Variants in KIF6 observed in about 807,000 individuals in gnomAD.
KIF6 encodes kinesin-like protein KIF6.
KIF6 carries 106 observed loss-of-function variants against 112.7 expected under a neutral mutation model. The ratio of observed to expected loss-of-function variants is 0.94; its 90% confidence interval spans 0.80 to 1.11. The LOEUF (loss-of-function observed/expected upper bound fraction) is 1.11. KIF6 is among the 50% of genes least tolerant of loss of function. The probability of loss-of-function intolerance (pLI) is 0.00; values close to 1 mark genes in which losing one functional copy is unlikely to be tolerated. For missense variants in KIF6, 929 were observed against 964.0 expected, an observed-to-expected ratio of 0.96 and a Z score of 0.48; for synonymous variants, 339 against 339.9, an observed-to-expected ratio of 1.00 and a Z score of 0.03.
chr6:39,348,362 A>G (rs1226290233), intron 19 of KIF6, among the ~76,000 whole-genome samples: 1 of 152,132 alleles, frequency 6.6e-6, no homozygotes, highest in Admixed American at 6.5e-5. Flanking sequence ...ACCGTGGCCA[A>G]TAGGGGCATC....
Position 39,714,740 on chromosome 6 carries a change from G to C in KIF6, c.203C>G (p.Ala68Gly). ...GTTTTCAAAAACGGTCTCTTGGTTT[G>C]CATCCTGATCAAAAATTCTTTGAAA... ...FKFQRIFDQD[A>G]NQETVFENIA... Residue 68 changes from alanine (A) to glycine (G), a missense_variant, in exon 3 of 23, where the codon GCA (alanine) becomes GGA (glycine). By Grantham distance (60) the Ala-to-Gly change is moderately conservative. Around this residue, in one of 2 missense-constraint regions of KIF6, gnomAD observed 688 missense variants for 662.7 expected, o/e 1.04. Coordinates refer to ENST00000287152, the MANE Select transcript of KIF6 (RefSeq NM_145027.6). 1.9e-6 allele frequency: 3 copies of C among 1,613,200 alleles called. No individual in the cohort carries two copies. Among genetic ancestry groups the C allele is most frequent in the Non-Finnish European group, 2.5e-6 (3 of 1,179,286 alleles).
At chr6:39,724,452 CAAAAAAAAAAA>C (rs33912709) in intron 1 of KIF6, among the ~76,000 whole-genome samples, 1,559 of 90,552 alleles carry the variant, frequency 0.017, 32 homozygotes, top group African/African-American at 0.059. Context: ...GACTCCGTCT[CAAAAAAAAAAA>C]AAAAAAAAAA....
intron 10 of KIF6, among the ~76,000 whole-genome samples, chr6:39,561,362 T>C (rs1208134797): frequency 6.6e-6 from 1 of 151,046 alleles, no homozygotes; most frequent in Non-Finnish European, 1.5e-5. Flanking sequence ...AAACCATTTT[T>C]TTTTTTTGAG....
intron 16 of KIF6, among the ~76,000 whole-genome samples, chr6:39,379,913 A>T (rs551066499): frequency 2.7e-4 from 41 of 152,346 alleles, no homozygotes; most frequent in African/African-American, 9.6e-4. Context: ...TTGGGCCTTA[A>T]ATGTAAAGTG....
At chr6:39,664,151 A>AAAGGATTGTC (rs1786317714) in intron 3 of KIF6, among the ~76,000 whole-genome samples, 1 of 152,160 alleles carries the variant, frequency 6.6e-6, no homozygotes, top group African/African-American at 2.4e-5. Context: ...GGAGAGAATC[A>AAAGGATTGTC]AAGGATTGTC....
chr6:39,367,421 A>G (rs955185660), intron 16 of KIF6, among the ~76,000 whole-genome samples: 1 of 152,174 alleles, frequency 6.6e-6, no homozygotes. Flanking sequence ...AGGAGCTCAC[A>G]GTGCCGAGTG....
rs144736774 is a variant in KIF6, at chr6:39,427,367, C to A, written c.1754+3686G>T. On this transcript the variant is annotated intron_variant, in intron 14 of 22. Coordinates refer to ENST00000287152, the MANE Select transcript of KIF6 (RefSeq NM_145027.6). Reference sequence around the variant, plus strand: ...TTCCTTTGATGTCTGTTGTTGAAACCCTGCTTATGCAGTTATTTGTTTTCA... The same window carrying A: ...TTCCTTTGATGTCTGTTGTTGAAACACTGCTTATGCAGTTATTTGTTTTCA... 5.2e-4 allele frequency among the ~76,000 whole-genome samples: 79 copies of A among 152,222 alleles called. No homozygotes were observed. In the South Asian group the frequency reaches 8.3e-3, roughly 16 times the overall value.
chr6:39,548,272 G>T (rs1300270200), intron 10 of KIF6, among the ~76,000 whole-genome samples: 1 of 152,226 alleles, frequency 6.6e-6, no homozygotes, highest in Admixed American at 6.5e-5. Flanking sequence ...CTGCTGATGA[G>T]CTGGACCACT....
Position 39,550,928 on chromosome 6 carries a change from T to A in KIF6, c.1182-5240A>T, listed in dbSNP as rs542947178. Among the ~76,000 whole-genome samples the A allele has an allele frequency of 3.3e-5, 5 of 152,312 alleles. No individual in the cohort carries two copies. In the South Asian group the frequency reaches 8.3e-4, roughly 25 times the overall value. Reference sequence around the variant, plus strand: ...CAAAGATATAAAAGGATGTAAAGGATTATTTTCTATGGCTGAATAATACTC... The same window carrying A: ...CAAAGATATAAAAGGATGTAAAGGAATATTTTCTATGGCTGAATAATACTC... On this transcript the variant is annotated intron_variant, in intron 10 of 22. Coordinates refer to ENST00000287152, the MANE Select transcript of KIF6 (RefSeq NM_145027.6).
intron 3 of KIF6, among the ~76,000 whole-genome samples, chr6:39,692,129 C>G (rs1788248497): frequency 6.6e-6 from 1 of 152,178 alleles, no homozygotes; most frequent in African/African-American, 2.4e-5. Context: ...AGCCTGGCAA[C>G]AGAGCGAGAC....
intron 20 of KIF6, 139 bp downstream of exon 20, chr6:39,346,337 T>C: frequency 1.4e-6 from 1 of 702,064 alleles, no homozygotes; most frequent in Middle Eastern, 2.7e-4. Context: ...TGGGTGGTGA[T>C]TAAGTCATGA....
chr6:39,545,309 T>C (rs1286752356), intron 11 of KIF6, among the ~76,000 whole-genome samples: 1 of 152,154 alleles, frequency 6.6e-6, no homozygotes, highest in Non-Finnish European at 1.5e-5. Context: ...AGCTTGAAAA[T>C]AGTTTTTTAA....
In KIF6 at chr6:39,478,366, C is replaced by T. The variant is rs376855611; in HGVS notation, c.1646-47205G>A. Among the ~76,000 whole-genome samples, 14 of 152,276 alleles carry T rather than the reference C, an allele frequency of 9.2e-5. No individual in the cohort carries two copies. In the East Asian group the frequency reaches 2.5e-3, roughly 27 times the overall value. ...AATTCCATCCAGGTTGATGTGAATGCCATTAATTCTTTCTTTTTATGGCTG... is the reference window on the plus strand; with the variant it reads ...AATTCCATCCAGGTTGATGTGAATGTCATTAATTCTTTCTTTTTATGGCTG... On this transcript the variant is annotated intron_variant, in intron 13 of 22. Transcript: ENST00000287152.
At chr6:39,631,572 G>A (rs1393672649) in intron 5 of KIF6, among the ~76,000 whole-genome samples, 1 of 151,996 alleles carries the variant, frequency 6.6e-6, no homozygotes, top group Non-Finnish European at 1.5e-5. Context: ...TTCAAATGTT[G>A]AACTAGCTGT....
chr6:39,583,242 T>A, intron 9 of KIF6: 1 of 258,958 alleles, frequency 3.9e-6, no homozygotes, highest in Non-Finnish European at 8.2e-6. Flanking sequence ...ATAACTTTGT[T>A]AACTCTCTTT....
intron 16 of KIF6, among the ~76,000 whole-genome samples, chr6:39,363,825 A>G (rs948691788): frequency 1.3e-5 from 2 of 152,220 alleles, no homozygotes; most frequent in Admixed American, 6.5e-5. Context: ...GGAAACTTGG[A>G]TTCAAAAATC....
At chr6:39,572,770 C>A (rs1179296702) in intron 10 of KIF6, among the ~76,000 whole-genome samples, 1 of 146,792 alleles carries the variant, frequency 6.8e-6, no homozygotes, top group African/African-American at 2.5e-5. Context: ...CTTGGCTATA[C>A]AGCCTTTATC....
At chr6:39,678,651 C>T (rs1385687785) in intron 3 of KIF6, among the ~76,000 whole-genome samples, 2 of 152,162 alleles carry the variant, frequency 1.3e-5, no homozygotes, top group African/African-American at 4.8e-5. Context: ...AACAATTTTG[C>T]ACAAATTCCC....
intron 13 of KIF6, among the ~76,000 whole-genome samples, chr6:39,516,411 TTG>T (rs1777087368): frequency 6.7e-6 from 1 of 148,340 alleles, no homozygotes; most frequent in African/African-American, 2.4e-5. Flanking sequence ...ATGTAAAATA[TTG>T]TGTCATACTG....
Sources: allele counts gnomAD v4.1 joint callset (sites outside exome capture counted in the v4.1 genomes callset), GRCh38; gene constraint gnomAD v4.1.1; regional missense constraint gnomAD v4.1.1; transcripts MANE v1.5; gene names NCBI Gene and HGNC (gene_info 2026-07-23, HGNC 2026-07-21).